The following CADPS2 variants were observed in gnomAD, a reference collection of about 807,000 sequenced individuals.
CADPS2 encodes the protein calcium dependent secretion activator 2.
CADPS2 carries 93 observed loss-of-function variants against 172.5 expected under a neutral mutation model. The observed-to-expected ratio is 0.54, with a 90% confidence interval of 0.46 to 0.64. CADPS2 has a LOEUF of 0.64. Among genes scored for constraint, CADPS2 ranks in the 30% least tolerant of loss-of-function variants. CADPS2 has a pLI of 0.00. For missense variants in CADPS2, 1,420 were observed against 1,565.9 expected (o/e 0.91, Z 1.57); for synonymous variants, 546 against 555.2 (o/e 0.98, Z 0.23).
At chr7:122,857,660 C>G (rs1815684108) in intron 1 of CADPS2, among the ~76,000 whole-genome samples, 1 of 152,154 alleles carries the variant, frequency 6.6e-6, no homozygotes, top group Non-Finnish European at 1.5e-5. Flanking sequence ...CTAAATAGCT[C>G]CCTTTATAAA....
intron 7 of CADPS2, among the ~76,000 whole-genome samples, chr7:122,572,806 T>TA (rs2067449554): frequency 6.6e-6 from 1 of 152,170 alleles, no homozygotes; most frequent in Non-Finnish European, 1.5e-5. Context: ...TGCTAGGACA[T>TA]AATCATAATT....
chr7:122,333,372 C>T (rs1048764579), intron 28 of CADPS2, among the ~76,000 whole-genome samples: 1 of 152,188 alleles, frequency 6.6e-6, no homozygotes, highest in African/African-American at 2.4e-5. Context: ...AAATGGGACA[C>T]ATTCCAAAAT....
chr7:122,374,763 A>C (rs1228059120), intron 25 of CADPS2, among the ~76,000 whole-genome samples: 1 of 152,126 alleles, frequency 6.6e-6, no homozygotes, highest in Non-Finnish European at 1.5e-5. Context: ...TAGGAGAGAT[A>C]CCTAATGTAG....
chr7:122,581,409 T>A, intron 6 of CADPS2, 119 bp from the exon 7 acceptor site: 2 of 707,718 alleles, frequency 2.8e-6, no homozygotes, highest in Middle Eastern at 7.2e-4. Context: ...GAGCTTTTTA[T>A]CTTTGCTTTT....
At chr7:122,561,422 C>T (rs1384046393) in intron 7 of CADPS2, among the ~76,000 whole-genome samples, 1 of 151,822 alleles carries the variant, frequency 6.6e-6, no homozygotes, top group Middle Eastern at 3.2e-3. Flanking sequence ...ATATATTTTC[C>T]TTGACATTAG....
chr7:122,852,890 G>A (rs577365742), intron 1 of CADPS2, among the ~76,000 whole-genome samples: 5 of 152,294 alleles, frequency 3.3e-5, no homozygotes, highest in African/African-American at 1.2e-4. Flanking sequence ...GGTAAGGATG[G>A]AAGCAGAAAA....
At chr7:122,414,658 C>T (rs998144524) in intron 18 of CADPS2, among the ~76,000 whole-genome samples, 1 of 152,112 alleles carries the variant, frequency 6.6e-6, no homozygotes, top group African/African-American at 2.4e-5. Flanking sequence ...AAGCTAAAAA[C>T]TAGATTCCAC....
At chr7:122,702,172 A>G (rs760137088) in intron 2 of CADPS2, 79 of 1,613,652 alleles carry the variant, frequency 4.9e-5, no homozygotes, top group Non-Finnish European at 6.3e-5. Context: ...AGGTAAATAG[A>G]TACATGATGT....
intron 2 of CADPS2, among the ~76,000 whole-genome samples, chr7:122,674,354 G>A (rs1326781408): frequency 6.6e-6 from 1 of 152,182 alleles, no homozygotes; most frequent in East Asian, 1.9e-4. Context: ...CCAAGAGCGA[G>A]CAAGGGCTGC....
intron 6 of CADPS2, among the ~76,000 whole-genome samples, 191 bp downstream of exon 6, chr7:122,614,990 G>A (rs1024605641): frequency 2.0e-5 from 3 of 152,100 alleles, no homozygotes; most frequent in African/African-American, 7.2e-5. Context: ...CAGGGATTCT[G>A]CCAAAATTCC....
chr7:122,565,663 T>A (rs1208623368), intron 7 of CADPS2, among the ~76,000 whole-genome samples: 4 of 152,202 alleles, frequency 2.6e-5, no homozygotes, highest in Non-Finnish European at 5.9e-5. Context: ...CTCATACCAC[T>A]GCTAAAGGCA....
At chr7:122,855,926 C>T (rs1419237212) in intron 1 of CADPS2, among the ~76,000 whole-genome samples, 1 of 152,108 alleles carries the variant, frequency 6.6e-6, no homozygotes, top group Non-Finnish European at 1.5e-5. Flanking sequence ...ATATTAATAC[C>T]CCAGTCTTCC....
intron 17 of CADPS2, chr7:122,436,313 C>T (rs530511498): frequency 2.6e-6 from 3 of 1,172,678 alleles, no homozygotes; most frequent in Admixed American, 2.5e-5. Flanking sequence ...AAATATCACA[C>T]CACCACATGA....
chr7:122,562,701 G>T (rs2065918479), intron 7 of CADPS2, among the ~76,000 whole-genome samples: 1 of 152,102 alleles, frequency 6.6e-6, no homozygotes, highest in Admixed American at 6.6e-5. Context: ...CCTCATAAGT[G>T]TGTGATTTAA....
chr7:122,488,215 A>G (rs1045430285), intron 11 of CADPS2, among the ~76,000 whole-genome samples: 3 of 152,200 alleles, frequency 2.0e-5, no homozygotes, highest in African/African-American at 7.2e-5. Context: ...GACTTGAGTT[A>G]ATGTTGTGCT....
intron 11 of CADPS2, among the ~76,000 whole-genome samples, chr7:122,487,452 A>C (rs1310411497): frequency 6.6e-6 from 1 of 152,212 alleles, no homozygotes; most frequent in East Asian, 1.9e-4. Context: ...AAAACCCAAT[A>C]AGAAAATAGC....
intron 8 of CADPS2, among the ~76,000 whole-genome samples, chr7:122,516,552 TGAA>T (rs1563568368): frequency 6.6e-6 from 1 of 151,192 alleles, no homozygotes; most frequent in African/African-American, 2.4e-5. Flanking sequence ...AGTAAATACA[TGAA>T]GAAGGAATGA....
At chr7:122,478,729 G>A (rs1282325570) in intron 12 of CADPS2, among the ~76,000 whole-genome samples, 1 of 152,100 alleles carries the variant, frequency 6.6e-6, no homozygotes, top group Non-Finnish European at 1.5e-5. Context: ...TCAGTGAGGG[G>A]CTTTTTGGTA....
chr7:122,691,112 G>T (rs1430422274), intron 2 of CADPS2, among the ~76,000 whole-genome samples: 5 of 152,210 alleles, frequency 3.3e-5, no homozygotes. Flanking sequence ...TCACTAAAGT[G>T]GATGTCTGCA....
Sources: gnomAD v4.1 joint callset for allele counts (sites outside exome capture counted in the v4.1 genomes callset) on GRCh38, gnomAD v4.1.1 for gene constraint, MANE v1.5 for transcripts, NCBI Gene and HGNC (gene_info 2026-07-23, HGNC 2026-07-21) for gene names.